Variants in DLG2 observed in about 807,000 individuals in gnomAD.
The protein encoded by DLG2 is discs large MAGUK scaffold protein 2, also known as disks large homolog 2.
In DLG2, 45 loss-of-function variants were observed where a neutral mutation model predicts 132.5. That is an observed-to-expected ratio of 0.34 (90% CI 0.27 to 0.44). The LOEUF is 0.44. Ranked by LOEUF, DLG2 falls within the 20% of genes least tolerant of loss-of-function variation. DLG2 has a pLI of 1.00. For synonymous variants in DLG2, 424 were observed against 419.6 expected (o/e 1.01, Z -0.13); for missense variants, 1,045 against 1,196.9 (o/e 0.87, Z 1.87).
chr11:83,577,883 A>C lies in DLG2; in HGVS notation c.1941-36025T>G, dbSNP rs1170827879. On this transcript the variant is annotated intron_variant, in intron 19 of 27. Coordinates refer to ENST00000376104, the MANE Select transcript of DLG2 (RefSeq NM_001142699.3). ...TTATATTATAAATATATATAATATA[A>C]ATATATAAATGGAAGTTTATATATG... Among the ~76,000 whole-genome samples, 60 of 122,936 alleles carry C rather than the reference A, an allele frequency of 4.9e-4. 1 individual carries two copies. Among genetic ancestry groups the C allele is most frequent in the African/African-American group, 1.7e-3 (55 of 31,970 alleles). The allele number at this position is 122,936 out of a possible 152,430, so 80.7% of individuals were successfully genotyped here. A position where few individuals can be genotyped will look rare whatever the true frequency, so the allele number is the denominator to read the frequency against.
chr11:84,562,268 A>C (rs1592408407), intron 6 of DLG2, among the ~76,000 whole-genome samples: 1 of 152,256 alleles, frequency 6.6e-6, no homozygotes, highest in East Asian at 1.9e-4. Context: ...TAAAGGCAGC[A>C]TTTTCTATGA....
intron 17 of DLG2, among the ~76,000 whole-genome samples, chr11:83,822,086 G>C (rs985418343): frequency 3.9e-5 from 6 of 152,096 alleles, no homozygotes; most frequent in Admixed American, 3.9e-4. Context: ...CTTTGAAGCT[G>C]GGCAGACCTA....
intron 4 of DLG2, among the ~76,000 whole-genome samples, chr11:85,210,887 A>G (rs181875165): frequency 6.6e-6 from 1 of 152,202 alleles, no homozygotes; most frequent in East Asian, 1.9e-4. Flanking sequence ...TCAGACCTGC[A>G]TAATAGCCTG....
chr11:85,521,925 G>A (rs1353678434), intron 3 of DLG2, among the ~76,000 whole-genome samples: 1 of 152,044 alleles, frequency 6.6e-6, no homozygotes, highest in Admixed American at 6.6e-5. Context: ...AGAATTTGCA[G>A]CCCAACGTGA....
chr11:84,463,903 G>T (rs2099087075), intron 7 of DLG2, among the ~76,000 whole-genome samples: 1 of 151,206 alleles, frequency 6.6e-6, no homozygotes, highest in Admixed American at 6.6e-5. Context: ...GAGAGAAAGG[G>T]AGAAGGGGGA....
At chr11:85,513,012 T>G (rs925119714) in intron 3 of DLG2, among the ~76,000 whole-genome samples, 6 of 151,882 alleles carry the variant, frequency 4.0e-5, no homozygotes, top group African/African-American at 9.7e-5. Context: ...TACACAGCCA[T>G]AAAAAAGAAC....
chr11:84,376,395 T>C (rs2154431812), intron 7 of DLG2, among the ~76,000 whole-genome samples: 1 of 152,068 alleles, frequency 6.6e-6, no homozygotes, highest in Non-Finnish European at 1.5e-5. Flanking sequence ...TCTAGAAATG[T>C]AGGATCACAT....
chr11:85,407,722 GAGA>G (rs2088895202), intron 3 of DLG2, among the ~76,000 whole-genome samples: 1 of 151,788 alleles, frequency 6.6e-6, no homozygotes, highest in African/African-American at 2.4e-5. Flanking sequence ...CTCTGGGAAA[GAGA>G]CTACAACACA....
chr11:84,405,534 C>T (rs572888927), intron 7 of DLG2, among the ~76,000 whole-genome samples: 115 of 152,304 alleles, frequency 7.6e-4, no homozygotes, highest in African/African-American at 2.7e-3. Context: ...TGATTTCATA[C>T]ATTCCATATT....
chr11:84,126,853 T>C (rs2094197904), intron 9 of DLG2, among the ~76,000 whole-genome samples: 1 of 152,252 alleles, frequency 6.6e-6, no homozygotes, highest in South Asian at 2.1e-4. Flanking sequence ...AATGTCTGTC[T>C]AGTTAACTTT....
At chr11:84,653,870 T>C (rs2099685022) in intron 6 of DLG2, among the ~76,000 whole-genome samples, 1 of 152,148 alleles carries the variant, frequency 6.6e-6, no homozygotes, top group Admixed American at 6.5e-5. Flanking sequence ...TTGTCTCTTC[T>C]AGCCTTTCTT....
intron 3 of DLG2, among the ~76,000 whole-genome samples, chr11:85,318,744 A>G (rs2080857733): frequency 6.6e-6 from 1 of 151,828 alleles, no homozygotes; most frequent in Admixed American, 6.6e-5. Context: ...AGGAAACATG[A>G]AAGTTGAGCA....
intron 16 of DLG2, among the ~76,000 whole-genome samples, chr11:83,858,880 C>A (rs568548416): frequency 3.9e-5 from 6 of 152,310 alleles, no homozygotes; most frequent in Non-Finnish European, 8.8e-5. Context: ...TACACAAACA[C>A]AAATGCATAA....
chr11:84,079,022 G>A (rs1436096780), intron 10 of DLG2, among the ~76,000 whole-genome samples: 4 of 152,098 alleles, frequency 2.6e-5, no homozygotes, highest in African/African-American at 9.6e-5. Context: ...CTATTAGATG[G>A]TGAACTCTTT....
At chr11:84,819,897 C>T (rs1377983746) in intron 6 of DLG2, among the ~76,000 whole-genome samples, 2 of 151,600 alleles carry the variant, frequency 1.3e-5, no homozygotes, top group Non-Finnish European at 2.9e-5. Context: ...GAAAGCTCCC[C>T]AGCACATCTG....
chr11:83,702,090 AC>A (rs1158649923), intron 18 of DLG2, among the ~76,000 whole-genome samples: 3 of 152,086 alleles, frequency 2.0e-5, no homozygotes, highest in Non-Finnish European at 4.4e-5. Context: ...CCAGGGACTT[AC>A]CCCCTTTGCA....
chr11:84,567,586 A>G (rs2099462066), intron 6 of DLG2, among the ~76,000 whole-genome samples: 1 of 152,196 alleles, frequency 6.6e-6, no homozygotes, highest in East Asian at 1.9e-4. Flanking sequence ...GCACTTGACA[A>G]ACTATTAAAA....
intron 4 of DLG2, among the ~76,000 whole-genome samples, chr11:85,244,100 G>C (rs1382047375): frequency 1.3e-5 from 2 of 152,062 alleles, no homozygotes; most frequent in East Asian, 3.9e-4. Flanking sequence ...GTGTCATCCA[G>C]CTTTACATAG....
At chr11:85,571,020 T>C (rs1223132891) in intron 3 of DLG2, among the ~76,000 whole-genome samples, 1 of 152,166 alleles carries the variant, frequency 6.6e-6, no homozygotes, top group Non-Finnish European at 1.5e-5. Flanking sequence ...TTTCTTTAGT[T>C]TTTTTAACAT....
Sources: allele counts gnomAD v4.1 joint callset (sites outside exome capture counted in the v4.1 genomes callset), GRCh38; gene constraint gnomAD v4.1.1; transcripts MANE v1.5; gene names NCBI Gene and HGNC (gene_info 2026-07-23, HGNC 2026-07-21).